Variants in RPH3A observed in about 807,000 individuals in gnomAD.
The protein encoded by RPH3A is rabphilin-3A.
A neutral mutation model predicts 102.2 loss-of-function variants in RPH3A; 48 were observed. That is an observed-to-expected ratio of 0.47 (90% CI 0.37 to 0.60). The LOEUF (loss-of-function observed/expected upper bound fraction) is 0.60. Among genes scored for constraint, RPH3A ranks in the 20% least tolerant of loss-of-function variants. The pLI, the probability that RPH3A is intolerant of heterozygous loss-of-function variation, is 0.00. For synonymous variants in RPH3A, 310 were observed against 324.3 expected (o/e 0.96, Z 0.47); for missense variants, 781 against 910.1 (o/e 0.86, Z 1.83).
intron 6 of RPH3A, among the ~76,000 whole-genome samples, chr12:112,866,520 C>T (rs1370481761): frequency 2.0e-5 from 3 of 152,130 alleles, no homozygotes; most frequent in Non-Finnish European, 1.5e-5. Flanking sequence ...AAATTCAGAT[C>T]CCACAGGGAC....
At position 112,689,447 on chromosome 12, in the gene RPH3A, G is replaced by A. The variant is rs183402304; in HGVS notation, c.-139-102696G>A. Among the ~76,000 whole-genome samples, 20 of 152,272 alleles carry A rather than the reference G, an allele frequency of 1.3e-4. No individual in the cohort carries two copies. The East Asian group carries it at 2.9e-3, about 22-fold the overall frequency. On this transcript the variant is annotated intron_variant, in intron 1 of 21. Transcript: ENST00000543106. ...TCCAATTTAAAGCACTATGAAGACC[G>A]TATATATTCAAAGCTAAATAAAACA...
At chr12:112,853,269 T>C (rs1593084356) in intron 5 of RPH3A, among the ~76,000 whole-genome samples, 1 of 152,224 alleles carries the variant, frequency 6.6e-6, no homozygotes, top group South Asian at 2.1e-4. Context: ...AAAGGAGGAC[T>C]CTTCTCCCGC....
intron 1 of RPH3A, among the ~76,000 whole-genome samples, chr12:112,593,849 C>T (rs901964487): frequency 6.6e-6 from 1 of 152,170 alleles, no homozygotes; most frequent in East Asian, 1.9e-4. Flanking sequence ...GACTTTAATG[C>T]CACCTCCTCA....
chr12:112,759,871 A>G (rs757727066), intron 1 of RPH3A, among the ~76,000 whole-genome samples: 27 of 152,088 alleles, frequency 1.8e-4, no homozygotes, highest in Non-Finnish European at 3.2e-4. Context: ...ACCCCTCTAG[A>G]TTCCTTCCAA....
At chr12:112,874,789 G>C (rs2042765667) in intron 10 of RPH3A, 3 of 370,608 alleles carry the variant, frequency 8.1e-6, no homozygotes, top group Non-Finnish European at 1.5e-5. Flanking sequence ...TACCAGGTGA[G>C]GAAACTGAGG....
chr12:112,591,182 G>A (rs1282031428), intron 1 of RPH3A, among the ~76,000 whole-genome samples: 2 of 149,294 alleles, frequency 1.3e-5, no homozygotes, highest in Admixed American at 1.3e-4. Context: ...AAACTCCTGG[G>A]CTCAATGATC....
At chr12:112,843,348 G>T (rs1048088733) in intron 4 of RPH3A, among the ~76,000 whole-genome samples, 4 of 152,166 alleles carry the variant, frequency 2.6e-5, no homozygotes, top group African/African-American at 9.7e-5. Flanking sequence ...AGACCAATCG[G>T]CGACATTTTC....
intron 5 of RPH3A, among the ~76,000 whole-genome samples, chr12:112,864,323 T>C (rs552758206): frequency 1.3e-5 from 2 of 152,060 alleles, no homozygotes; most frequent in South Asian, 4.2e-4. Flanking sequence ...TGGCAGTGTG[T>C]GCCTGTAGTC....
intron 14 of RPH3A, 84 bp from the exon 15 acceptor site, chr12:112,881,688 T>C (rs1471360790): frequency 1.1e-6 from 1 of 919,170 alleles, no homozygotes; most frequent in African/African-American, 1.7e-5. Flanking sequence ...GCAGGACAGA[T>C]GCCAGGGGCT....
chr12:112,589,858 G>A (rs868786814), intron 1 of RPH3A, among the ~76,000 whole-genome samples: 3 of 152,122 alleles, frequency 2.0e-5, no homozygotes, highest in Admixed American at 6.6e-5. Context: ...TGAGGTGGGC[G>A]GATCACTTGA....
At chr12:112,836,087 T>A (rs1345083989) in intron 3 of RPH3A, among the ~76,000 whole-genome samples, 1 of 152,214 alleles carries the variant, frequency 6.6e-6, no homozygotes, top group East Asian at 1.9e-4. Context: ...ACTGGGGAAC[T>A]ACAAGGTCTA....
At chr12:112,671,294 C>T (rs772246165) in intron 1 of RPH3A, among the ~76,000 whole-genome samples, 9 of 152,162 alleles carry the variant, frequency 5.9e-5, no homozygotes, top group Admixed American at 2.0e-4. Flanking sequence ...CCAGGATTAG[C>T]GTGGTAATTT....
intron 1 of RPH3A, among the ~76,000 whole-genome samples, chr12:112,713,048 T>TC (rs2040487589): frequency 1.4e-5 from 1 of 72,358 alleles, no homozygotes; most frequent in African/African-American, 6.5e-5. Flanking sequence ...TTCTTCTTCT[T>TC]CTCCTTCTTC....
intron 1 of RPH3A, among the ~76,000 whole-genome samples, chr12:112,653,614 C>A (rs569793306): frequency 6.6e-6 from 1 of 152,056 alleles, no homozygotes; most frequent in African/African-American, 2.4e-5. Flanking sequence ...TTATTATAAC[C>A]TTTTTACTTT....
intron 1 of RPH3A, among the ~76,000 whole-genome samples, chr12:112,662,596 A>G (rs1331978830): frequency 6.6e-6 from 1 of 152,178 alleles, no homozygotes; most frequent in Non-Finnish European, 1.5e-5. Flanking sequence ...CAATTATTTT[A>G]GGTTTTGCAA....
chr12:112,651,376 A>AC (rs527440615), intron 1 of RPH3A, among the ~76,000 whole-genome samples: 1 of 126,272 alleles, frequency 7.9e-6, no homozygotes, highest in South Asian at 2.3e-4. Flanking sequence ...TACCAAAAAA[A>AC]CCCCCAAAAA....
chr12:112,864,681 A>C (rs951260323), intron 5 of RPH3A, among the ~76,000 whole-genome samples: 10 of 152,166 alleles, frequency 6.6e-5, no homozygotes, highest in Admixed American at 3.3e-4. Flanking sequence ...GGACTTATAA[A>C]ATACAGATTG....
intron 7 of RPH3A, 134 bp from the exon 8 acceptor site, chr12:112,868,296 G>A: frequency 1.2e-6 from 1 of 863,972 alleles, no homozygotes; most frequent in Non-Finnish European, 1.8e-6. Context: ...GGGCTCTGTA[G>A]TAATAATAAA....
chr12:112,847,627 G>T, intron 4 of RPH3A, 69 bp from the exon 5 acceptor site: 1 of 1,533,844 alleles, frequency 6.5e-7, no homozygotes, highest in South Asian at 1.2e-5. Context: ...CCCAGACAGT[G>T]AGTTTCCCGG....
Sources: allele counts gnomAD v4.1 joint callset (sites outside exome capture counted in the v4.1 genomes callset), GRCh38; gene constraint gnomAD v4.1.1; transcripts MANE v1.5; gene names NCBI Gene and HGNC (gene_info 2026-07-23, HGNC 2026-07-21).